The following DMD variants were observed in gnomAD, a reference collection of about 807,000 sequenced individuals.
DMD encodes mutant dystrophin.
DMD carries 63 observed loss-of-function variants against 330.1 expected under a neutral mutation model. The observed-to-expected ratio is 0.19, with a 90% CI of 0.16 to 0.24. The LOEUF (loss-of-function observed/expected upper bound fraction) is 0.24, where lower values mean the gene tolerates loss of function less well. Ranked by LOEUF, DMD falls within the 10% of genes least tolerant of loss-of-function variation. The pLI is 1.00. For missense variants in DMD, 3,344 were observed against 2,684.1 expected (o/e 1.25, Z -5.43); for synonymous variants, 1,223 against 959.8 (o/e 1.27, Z -5.07).
intron 1 of DMD, chrX:33,041,704 G>A (rs1292925772): frequency 1.7e-6 from 2 of 1,205,813 alleles, no homozygotes; most frequent in Non-Finnish European, 2.2e-6. Flanking sequence ...ACTGGATTCA[G>A]TGAAGTTAGA....
chrX:31,852,029 T>C (rs976790096), intron 48 of DMD, among the ~76,000 whole-genome samples: 4 of 106,856 alleles, frequency 3.7e-5, no homozygotes, highest in African/African-American at 1.4e-4. Flanking sequence ...CCAGGGTGAG[T>C]GGAATCTAGT....
intron 1 of DMD, among the ~76,000 whole-genome samples, chrX:33,134,240 T>C (rs974767128): frequency 1.8e-5 from 2 of 111,524 alleles, no homozygotes; most frequent in African/African-American, 6.5e-5. Context: ...AACTGAGTAA[T>C]GGAATCTTGA....
At chrX:31,981,853 G>A (rs2095478044) in intron 44 of DMD, among the ~76,000 whole-genome samples, 1 of 112,119 alleles carries the variant, frequency 8.9e-6, no homozygotes. Flanking sequence ...GGAAATGAGA[G>A]AACTTGCGCA....
At chrX:32,253,417 G>A (rs746654320) in intron 43 of DMD, among the ~76,000 whole-genome samples, 1 of 110,476 alleles carries the variant, frequency 9.1e-6, no homozygotes. Flanking sequence ...AAGCTACATA[G>A]GGCATATGGC....
intron 34 of DMD, among the ~76,000 whole-genome samples, chrX:32,365,538 G>A (rs1300817701): frequency 9.0e-6 from 1 of 111,073 alleles, no homozygotes; most frequent in Non-Finnish European, 1.9e-5. Context: ...ATAAGAAACT[G>A]CCCTTAGAAA....
intron 6 of DMD, among the ~76,000 whole-genome samples, chrX:32,810,808 A>G (rs2077314659): frequency 9.0e-6 from 1 of 111,581 alleles, no homozygotes; most frequent in Non-Finnish European, 1.9e-5. Context: ...AGTACAAATT[A>G]CGTATTTCAT....
intron 7 of DMD, among the ~76,000 whole-genome samples, chrX:32,733,938 A>G (rs2068063886): frequency 9.5e-6 from 1 of 104,878 alleles, no homozygotes; most frequent in African/African-American, 3.5e-5. Flanking sequence ...GGAAATAGAG[A>G]CACAAAAAAC....
At chrX:31,952,545 T>G (rs2095197598) in intron 45 of DMD, among the ~76,000 whole-genome samples, 1 of 111,308 alleles carries the variant, frequency 9.0e-6, no homozygotes, top group South Asian at 3.7e-4. Flanking sequence ...GAATTTTCAT[T>G]TGGTTCTTTT....
At chrX:32,563,119 T>C (rs769506318) in intron 16 of DMD, among the ~76,000 whole-genome samples, 84 of 110,022 alleles carry the variant, frequency 7.6e-4, no homozygotes, top group Non-Finnish European at 1.3e-3. Flanking sequence ...AGTGGGAGGA[T>C]CACAAGGTCA....
chrX:31,363,687 A>C (rs2059087977), intron 60 of DMD, among the ~76,000 whole-genome samples: 2 of 111,929 alleles, frequency 1.8e-5, no homozygotes, highest in Non-Finnish European at 3.8e-5. Flanking sequence ...CAAGACATGT[A>C]TCTTTATAGA....
Position 32,732,092 on chromosome X carries a change from G to A in DMD, c.650-32799C>T, listed in dbSNP as rs746869467. 2.8e-4 allele frequency among the ~76,000 whole-genome samples: 31 copies of A among 111,814 alleles called. 1 individual carries two copies. The South Asian group carries it at 0.012, about 42-fold the overall frequency. ...AGGAGCTGATGGAGCTGAAAACCAAGGCTAGAGAAGTACGTGAAGAATGCA... is the reference window on the plus strand; with the variant it reads ...AGGAGCTGATGGAGCTGAAAACCAAAGCTAGAGAAGTACGTGAAGAATGCA... On this transcript the variant is annotated intron_variant, in intron 7 of 78. Transcript: ENST00000357033.
At chrX:31,541,334 A>C (rs1216714263) in intron 55 of DMD, among the ~76,000 whole-genome samples, 1 of 110,149 alleles carries the variant, frequency 9.1e-6, no homozygotes, top group Non-Finnish European at 1.9e-5. Context: ...TAGAGACCAA[A>C]TATTTTCTTT....
At chrX:32,347,081 C>T (rs775369865) in intron 38 of DMD, among the ~76,000 whole-genome samples, 1 of 111,414 alleles carries the variant, frequency 9.0e-6, no homozygotes, top group African/African-American at 3.3e-5. Context: ...CTTCAACACG[C>T]AACTGAGGAC....
At chrX:32,925,047 C>T (rs1013101618) in intron 2 of DMD, among the ~76,000 whole-genome samples, 6 of 107,648 alleles carry the variant, frequency 5.6e-5, no homozygotes, top group African/African-American at 1.4e-4. Flanking sequence ...GCTCTGTGGC[C>T]GATGGTTTTG....
intron 18 of DMD, among the ~76,000 whole-genome samples, chrX:32,511,230 A>T (rs186186804): frequency 8.3e-4 from 92 of 110,986 alleles, no homozygotes; most frequent in Non-Finnish European, 1.3e-3. Context: ...ATTTTGTGAA[A>T]GTCATTAATT....
intron 63 of DMD, among the ~76,000 whole-genome samples, chrX:31,259,617 G>A (rs1276128161): frequency 9.0e-6 from 1 of 111,673 alleles, no homozygotes; most frequent in Non-Finnish European, 1.9e-5. Flanking sequence ...GGATCTCTCT[G>A]GCTAGTATAA....
chrX:31,408,198 C>T (rs1403084493), intron 60 of DMD, among the ~76,000 whole-genome samples: 1 of 111,128 alleles, frequency 9.0e-6, no homozygotes, highest in African/African-American at 3.3e-5. Context: ...GAAGTGAGGC[C>T]ACACTCATCA....
At chrX:32,572,664 G>A (rs1210175116) in intron 15 of DMD, among the ~76,000 whole-genome samples, 1 of 109,391 alleles carries the variant, frequency 9.1e-6, no homozygotes, top group Non-Finnish European at 1.9e-5. Context: ...AACACTCGAG[G>A]TATTTATAAT....
chrX:31,895,989 T>C (rs1316580283), intron 47 of DMD, among the ~76,000 whole-genome samples: 2 of 112,284 alleles, frequency 1.8e-5, no homozygotes, highest in African/African-American at 6.5e-5. Flanking sequence ...CTTTATCCTT[T>C]TCCATTTCTT....
Sources: gnomAD v4.1 joint callset for allele counts (sites outside exome capture counted in the v4.1 genomes callset) on GRCh38, gnomAD v4.1.1 for gene constraint, MANE v1.5 for transcripts, NCBI Gene and HGNC (gene_info 2026-07-23, HGNC 2026-07-21) for gene names.